Variants in CDH12 observed in about 807,000 individuals in gnomAD.
The protein encoded by CDH12 is cadherin 12.
In CDH12, 41 loss-of-function variants were observed where a neutral mutation model predicts 74.1. That is an observed-to-expected ratio of 0.55 (90% CI 0.43 to 0.72). CDH12 has a LOEUF of 0.72. Among genes scored for constraint, CDH12 ranks in the 30% least tolerant of loss-of-function variants. The pLI is 0.00. For missense variants in CDH12, 945 were observed against 977.2 expected (o/e 0.97, Z 0.44); for synonymous variants, 399 against 355.0 (o/e 1.12, Z -1.39).
intron 6 of CDH12, among the ~76,000 whole-genome samples, chr5:21,958,019 T>C (rs919508414): frequency 6.6e-6 from 1 of 152,044 alleles, no homozygotes; most frequent in African/African-American, 2.4e-5. Context: ...GTGGAGGTAA[T>C]TGAATCTGGG....
At position 22,078,831 on chromosome 5, in the gene CDH12, C is replaced by A. The variant is rs2150225795; in HGVS notation, c.-155G>T. On this transcript the variant is annotated 5_prime_UTR_variant, in exon 5 of 15. Coordinates refer to ENST00000382254, the MANE Select transcript of CDH12 (RefSeq NM_004061.5). Reference sequence around the variant, plus strand: ...GGCATTAATCCTTTTGATGAAAAGGCTTCTGCTGTATTATATTCCATCTAA... The same window carrying A: ...GGCATTAATCCTTTTGATGAAAAGGATTCTGCTGTATTATATTCCATCTAA... 7.0e-7 allele frequency: 1 copy of A among 1,426,800 alleles called. No individual in the cohort carries two copies. The highest frequency in any genetic ancestry group is 9.1e-7 in the Non-Finnish European group (1 of 1,094,358). The allele number at this position is 1,426,800 out of a possible 1,614,324, so 88.4% of individuals were successfully genotyped here. A position where few individuals can be genotyped will look rare whatever the true frequency, so the allele number is the denominator to read the frequency against.
At chr5:22,689,806 A>G (rs60171847) in intron 1 of CDH12, among the ~76,000 whole-genome samples, 2,909 of 152,198 alleles carry the variant, frequency 0.019, 86 homozygotes, top group African/African-American at 0.067. Context: ...TCAAAGTAGA[A>G]ATACATTGTG....
intron 1 of CDH12, among the ~76,000 whole-genome samples, chr5:22,529,231 G>A (rs1737473980): frequency 1.3e-5 from 2 of 149,008 alleles, no homozygotes; most frequent in African/African-American, 2.5e-5. Flanking sequence ...AGAGAAGAGA[G>A]AGAGAGAGAT....
chr5:22,247,747 G>A (rs1395326752), intron 3 of CDH12, among the ~76,000 whole-genome samples: 1 of 152,066 alleles, frequency 6.6e-6, no homozygotes, highest in Non-Finnish European at 1.5e-5. Flanking sequence ...TAAGTACTGT[G>A]ACATAAAAAA....
At chr5:22,516,842 A>G (rs762731506) in intron 1 of CDH12, among the ~76,000 whole-genome samples, 1 of 152,142 alleles carries the variant, frequency 6.6e-6, no homozygotes, top group African/African-American at 2.4e-5. Flanking sequence ...TATATCAACT[A>G]GAAAAAAATG....
chr5:22,244,666 G>T (rs1752864684), intron 3 of CDH12, among the ~76,000 whole-genome samples: 2 of 143,344 alleles, frequency 1.4e-5, no homozygotes, highest in East Asian at 2.0e-4. Context: ...AGAGAGGAAA[G>T]AAAGAAAGAG....
At chr5:22,792,090 T>C (rs1039503061) in intron 1 of CDH12, among the ~76,000 whole-genome samples, 1 of 150,096 alleles carries the variant, frequency 6.7e-6, no homozygotes, top group Non-Finnish European at 1.5e-5. Flanking sequence ...CTAGGGCTTT[T>C]TTTTTTTTTT....
intron 1 of CDH12, among the ~76,000 whole-genome samples, chr5:22,827,333 G>A (rs1736390751): frequency 6.6e-6 from 1 of 152,206 alleles, no homozygotes; most frequent in African/African-American, 2.4e-5. Context: ...TAGTACACCT[G>A]GCATTAATCT....
At position 22,373,703 on chromosome 5, in the gene CDH12, T is replaced by C. The variant is rs193114916; in HGVS notation, c.-333+31554A>G. Among the ~76,000 whole-genome samples, 3 of 152,288 alleles carry C rather than the reference T, an allele frequency of 2.0e-5. No homozygotes were observed. The East Asian group carries it at 5.8e-4, about 29-fold the overall frequency. ...ATGCTGTTTACCGCCAAAGAAATCA[T>C]GTAGAGACCACACTCCTGCATGTAC... On this transcript the variant is annotated intron_variant, in intron 3 of 14. Coordinates refer to ENST00000382254, the MANE Select transcript of CDH12 (RefSeq NM_004061.5).
rs1420040771 is a variant in CDH12, at chr5:22,343,317, C to CAG, written c.-333+61939_-333+61940insCT. 6.6e-3 allele frequency among the ~76,000 whole-genome samples: 615 copies of CAG among 93,804 alleles called. 6 individuals are homozygous for CAG. The highest frequency in any genetic ancestry group is 0.016 in the East Asian group (49 of 3,126). The allele number at this position is 93,804 out of a possible 152,430, so 61.5% of individuals were successfully genotyped here. A position where few individuals can be genotyped will look rare whatever the true frequency, so the allele number is the denominator to read the frequency against. ...ACACACACACACACACACACAGACA[C>CAG]ACACACAGAGAGAGAGAGAGAGAGA... On this transcript the variant is annotated intron_variant, in intron 3 of 14. Coordinates refer to ENST00000382254, the MANE Select transcript of CDH12 (RefSeq NM_004061.5).
At chr5:21,927,794 G>A (rs1307924439) in intron 6 of CDH12, among the ~76,000 whole-genome samples, 1 of 151,952 alleles carries the variant, frequency 6.6e-6, no homozygotes, top group South Asian at 2.1e-4. Flanking sequence ...AACAGGCCTG[G>A]TGCGGTGGCT....
intron 3 of CDH12, among the ~76,000 whole-genome samples, chr5:22,260,335 C>T (rs1753463533): frequency 6.6e-6 from 1 of 151,996 alleles, no homozygotes. Context: ...TTTATTTATT[C>T]TGTGAAATTG....
intron 1 of CDH12, among the ~76,000 whole-genome samples, chr5:22,848,509 T>C (rs557650220): frequency 8.5e-5 from 13 of 152,322 alleles, no homozygotes; most frequent in Admixed American, 2.6e-4. Flanking sequence ...AATATTATTG[T>C]TCATACACGA....
intron 4 of CDH12, among the ~76,000 whole-genome samples, chr5:22,130,647 G>A (rs1167847291): frequency 2.6e-5 from 4 of 151,642 alleles, no homozygotes; most frequent in African/African-American, 7.3e-5. Flanking sequence ...GACATCATCT[G>A]TAAATATAAG....
intron 1 of CDH12, among the ~76,000 whole-genome samples, chr5:22,531,249 G>A (rs1737571264): frequency 6.6e-6 from 1 of 152,112 alleles, no homozygotes; most frequent in African/African-American, 2.4e-5. Flanking sequence ...AGTCAGGCAT[G>A]TTTTTGAGAG....
At chr5:22,650,999 T>TCC (rs1423059631) in intron 1 of CDH12, among the ~76,000 whole-genome samples, 1 of 152,068 alleles carries the variant, frequency 6.6e-6, no homozygotes, top group Non-Finnish European at 1.5e-5. Context: ...TTAGTGTATT[T>TCC]CCATGTTTAA....
In CDH12 at chr5:22,532,352, T is replaced by TAC. The variant is rs1430381447; in HGVS notation, c.-522-26989_-522-26988insGT. Among the ~76,000 whole-genome samples the TAC allele has an allele frequency of 5.7e-3, 288 of 50,098 alleles. 23 individuals are homozygous for TAC. Among genetic ancestry groups the TAC allele is most frequent in the African/African-American group, 0.017 (280 of 16,354 alleles). The allele number at this position is 50,098 out of a possible 152,430, so 32.9% of individuals were successfully genotyped here. A position where few individuals can be genotyped will look rare whatever the true frequency, so the allele number is the denominator to read the frequency against. ...TAACAGATAAATTATATAAATAGGATATATATATATATATATATATATATA... is the reference window on the plus strand; with the variant it reads ...TAACAGATAAATTATATAAATAGGATACATATATATATATATATATATATATA... On this transcript the variant is annotated intron_variant, in intron 1 of 14. Coordinates refer to ENST00000382254, the MANE Select transcript of CDH12 (RefSeq NM_004061.5).
At chr5:22,187,943 T>C (rs1750060317) in intron 4 of CDH12, among the ~76,000 whole-genome samples, 1 of 152,096 alleles carries the variant, frequency 6.6e-6, no homozygotes, top group South Asian at 2.1e-4. Context: ...AAACCATGCG[T>C]AATTAATGGT....
chr5:22,621,438 G>T (rs1359186634), intron 1 of CDH12, among the ~76,000 whole-genome samples: 1 of 152,012 alleles, frequency 6.6e-6, no homozygotes, highest in Non-Finnish European at 1.5e-5. Context: ...AGGTAAAAAA[G>T]CCTCAAAGTT....
Sources: allele counts gnomAD v4.1 joint callset (sites outside exome capture counted in the v4.1 genomes callset), GRCh38; gene constraint gnomAD v4.1.1; transcripts MANE v1.5; gene names NCBI Gene and HGNC (gene_info 2026-07-23, HGNC 2026-07-21).